DIP2C: variants seen among roughly 807,000 people sequenced by gnomAD.
The protein encoded by DIP2C is DIP2 acetate--CoA ligase C (putative).
A neutral mutation model predicts 192.4 loss-of-function variants in DIP2C; 33 were observed. The ratio of observed to expected loss-of-function variants is 0.17; its 90% CI spans 0.13 to 0.23. The LOEUF (loss-of-function observed/expected upper bound fraction) is 0.23. DIP2C is among the 10% of genes least tolerant of loss of function. The pLI, the probability that DIP2C is intolerant of heterozygous loss-of-function variation, is 1.00. For synonymous variants in DIP2C, 979 were observed against 864.1 expected (o/e 1.13, Z -2.33); for missense variants, 1,537 against 2,110.1 (o/e 0.73, Z 5.32).
chr10:335,205 T>A (rs1957702973), intron 29 of DIP2C, among the ~76,000 whole-genome samples: 2 of 152,214 alleles, frequency 1.3e-5, no homozygotes, highest in South Asian at 4.1e-4. Context: ...AGGACACAAA[T>A]TATTTGTGTT....
intron 1 of DIP2C, among the ~76,000 whole-genome samples, chr10:672,903 TA>T (rs546283505): frequency 1.1e-4 from 16 of 151,818 alleles, no homozygotes; most frequent in East Asian, 7.7e-4. Flanking sequence ...ATGACACACA[TA>T]AAAAAAAATT....
intron 2 of DIP2C, chr10:485,027 C>T (rs1843907420): frequency 2.7e-6 from 4 of 1,471,620 alleles, no homozygotes; most frequent in South Asian, 1.3e-5. Context: ...GCAGAGCTGC[C>T]GACCCCATGC....
chr10:388,674 C>A (rs866722959), intron 13 of DIP2C, among the ~76,000 whole-genome samples: 1 of 152,194 alleles, frequency 6.6e-6, no homozygotes, highest in Non-Finnish European at 1.5e-5. Flanking sequence ...GGCCAAACAT[C>A]AGAATACCCA....
chr10:536,004 C>G (rs771500940), intron 1 of DIP2C, among the ~76,000 whole-genome samples: 6 of 152,222 alleles, frequency 3.9e-5, no homozygotes, highest in Admixed American at 3.9e-4. Context: ...ATGGATGGTA[C>G]GTCAGCTCCC....
chr10:378,386 G>A (rs1241967749), intron 17 of DIP2C, among the ~76,000 whole-genome samples: 1 of 152,128 alleles, frequency 6.6e-6, no homozygotes, highest in African/African-American at 2.4e-5. Context: ...CACGAAAACA[G>A]GCATACACAG....
intron 1 of DIP2C, among the ~76,000 whole-genome samples, chr10:579,993 C>G (rs1421324389): frequency 6.6e-6 from 1 of 151,942 alleles, no homozygotes; most frequent in South Asian, 2.1e-4. Context: ...TACAGGTACA[C>G]TATAACATGT....
intron 16 of DIP2C, among the ~76,000 whole-genome samples, chr10:383,537 G>A (rs1016744537): frequency 6.6e-6 from 1 of 152,166 alleles, no homozygotes; most frequent in African/African-American, 2.4e-5. Flanking sequence ...TTTTGTTACA[G>A]GATGTGATAA....
At chr10:590,450 C>T (rs1179466169) in intron 1 of DIP2C, among the ~76,000 whole-genome samples, 2 of 152,226 alleles carry the variant, frequency 1.3e-5, no homozygotes, top group African/African-American at 2.4e-5. Context: ...CCAGTTCCTG[C>T]GAACCCACGC....
At chr10:465,540 C>T (rs548371578) in intron 3 of DIP2C, among the ~76,000 whole-genome samples, 8,597 of 152,046 alleles carry the variant, frequency 0.057, 360 homozygotes, top group Non-Finnish European at 0.083. Flanking sequence ...CTGGCCAGGG[C>T]AATCAGGCAG....
At position 435,238 on chromosome 10, in the gene DIP2C, G is replaced by A. The variant is rs147776704; in HGVS notation, c.394+5633C>T. On this transcript the variant is annotated intron_variant, in intron 4 of 36. Coordinates refer to ENST00000280886, the MANE Select transcript of DIP2C (RefSeq NM_014974.3). The stretch of plus-strand genomic sequence containing the variant: ...TTGGATATTTCCTTTTCCCCAGGCC[G>A]GAAGGCTTTGATAAAACCCCACCAG... 5.6e-3 allele frequency among the ~76,000 whole-genome samples: 860 copies of A among 152,238 alleles called. 8 individuals are homozygous for A. Among genetic ancestry groups the A allele is most frequent in the African/African-American group, 0.019 (772 of 41,532 alleles).
intron 1 of DIP2C, among the ~76,000 whole-genome samples, chr10:639,735 A>G (rs1855059485): frequency 6.6e-6 from 1 of 152,232 alleles, no homozygotes; most frequent in Non-Finnish European, 1.5e-5. Context: ...AAATAGGCAT[A>G]TTGTGCCTGT....
In DIP2C at chr10:663,766, A is replaced by T. The variant is rs1243141118; in HGVS notation, c.85+25728T>A. 2.0e-5 allele frequency: 3 copies of T among 152,334 alleles called. No individual in the cohort carries two copies. The East Asian group carries it at 5.8e-4, about 29-fold the overall frequency. 9.4% of individuals were successfully genotyped at this position (152,334 alleles called of 1,614,324 possible). A position where few individuals can be genotyped will look rare whatever the true frequency, so the allele number is the denominator to read the frequency against. Reference sequence around the variant, plus strand: ...TTAAAACTCCTAATGAAGAAACACAAACCTGCACGTCTCACGCCACCACTT... The same window carrying T: ...TTAAAACTCCTAATGAAGAAACACATACCTGCACGTCTCACGCCACCACTT... On this transcript the variant is annotated intron_variant, in intron 1 of 36. Transcript: ENST00000280886.
intron 28 of DIP2C, 102 bp downstream of exon 28, chr10:344,707 G>T: frequency 1.1e-6 from 1 of 937,182 alleles, no homozygotes; most frequent in Non-Finnish European, 1.7e-6. Context: ...CCACATCTCA[G>T]TCTGACTACA....
chr10:474,448 A>G (rs1026440901), intron 2 of DIP2C, among the ~76,000 whole-genome samples: 2 of 152,208 alleles, frequency 1.3e-5, no homozygotes, highest in Non-Finnish European at 2.9e-5. Flanking sequence ...GCCCACGATC[A>G]AACACTGACA....
intron 1 of DIP2C, among the ~76,000 whole-genome samples, chr10:555,338 A>C (rs1185059530): frequency 6.6e-6 from 1 of 152,096 alleles, no homozygotes; most frequent in African/African-American, 2.4e-5. Context: ...CTTCATCACC[A>C]ATTTTTCATA....
intron 26 of DIP2C, among the ~76,000 whole-genome samples, chr10:347,399 C>CACCCA (rs1197300454): frequency 2.6e-3 from 375 of 145,120 alleles, no homozygotes; most frequent in African/African-American, 9.5e-3. Context: ...ACGTCACACG[C>CACCCA]ACCCGGACAC....
intron 1 of DIP2C, among the ~76,000 whole-genome samples, chr10:606,611 T>C (rs1852502237): frequency 6.6e-6 from 1 of 151,914 alleles, no homozygotes; most frequent in Admixed American, 6.5e-5. Flanking sequence ...GTGATCCGAA[T>C]TCTCATTGGT....
intron 1 of DIP2C, among the ~76,000 whole-genome samples, chr10:505,332 G>C (rs983369428): frequency 6.6e-6 from 1 of 152,204 alleles, no homozygotes; most frequent in African/African-American, 2.4e-5. Context: ...CGCTCTTCAG[G>C]AAACAGGAGA....
chr10:303,912 T>C (rs1256452860), intron 32 of DIP2C, among the ~76,000 whole-genome samples: 1 of 152,144 alleles, frequency 6.6e-6, no homozygotes, highest in African/African-American at 2.4e-5. Context: ...TCAGGATCAC[T>C]GAAATCACTG....
Sources: allele counts gnomAD v4.1 joint callset (sites outside exome capture counted in the v4.1 genomes callset), GRCh38; gene constraint gnomAD v4.1.1; transcripts MANE v1.5; gene names NCBI Gene and HGNC (gene_info 2026-07-23, HGNC 2026-07-21).